NRXN3: variants seen among roughly 807,000 people sequenced by gnomAD.
NRXN3 encodes the protein neurexin 3.
NRXN3 carries 32 observed loss-of-function variants against 137.6 expected under a neutral mutation model. The observed-to-expected ratio is 0.23, with a 90% confidence interval of 0.18 to 0.31. NRXN3 has a LOEUF of 0.31. NRXN3 is among the 10% of genes least tolerant of loss of function. The probability of loss-of-function intolerance (pLI) is 1.00; values close to 1 mark genes in which losing one functional copy is unlikely to be tolerated. For missense variants in NRXN3, 1,574 were observed against 2,062.5 expected, an observed-to-expected ratio of 0.76 and a Z score of 4.59; for synonymous variants, 798 against 784.5, an observed-to-expected ratio of 1.02 and a Z score of -0.29.
At chr14:78,590,958 G>T (rs1036877878) in intron 4 of NRXN3, among the ~76,000 whole-genome samples, 1 of 152,136 alleles carries the variant, frequency 6.6e-6, no homozygotes, top group Non-Finnish European at 1.5e-5. Context: ...ATTAACAACA[G>T]GAGATGGAAC....
intron 15 of NRXN3, among the ~76,000 whole-genome samples, chr14:79,343,679 A>G (rs573992044): frequency 6.6e-6 from 1 of 152,320 alleles, no homozygotes; most frequent in African/African-American, 2.4e-5. Context: ...GTTGGAGAGA[A>G]ATAATTTTTG....
intron 4 of NRXN3, among the ~76,000 whole-genome samples, chr14:78,341,448 A>T (rs1017877673): frequency 2.6e-5 from 4 of 152,190 alleles, no homozygotes; most frequent in African/African-American, 9.6e-5. Flanking sequence ...TGTGGGCTGT[A>T]GAGCCTCCTT....
chr14:78,733,107 T>G (rs192149772), intron 8 of NRXN3, among the ~76,000 whole-genome samples: 342 of 152,284 alleles, frequency 2.2e-3, no homozygotes, highest in Non-Finnish European at 3.7e-3. Flanking sequence ...TTGTTTATTT[T>G]GTGTCTGAAC....
At chr14:78,938,339 C>T (rs1360250775) in intron 10 of NRXN3, among the ~76,000 whole-genome samples, 1 of 152,218 alleles carries the variant, frequency 6.6e-6, no homozygotes, top group South Asian at 2.1e-4. Context: ...TGCTGGCTCA[C>T]TACTTATTGT....
chr14:79,298,237 G>C (rs1166665278), intron 15 of NRXN3, among the ~76,000 whole-genome samples: 1 of 152,072 alleles, frequency 6.6e-6, no homozygotes, highest in African/African-American at 2.4e-5. Flanking sequence ...ATAATGACAT[G>C]ACCAGCCAGA....
At chr14:79,826,297 A>AT (rs893673184) in intron 20 of NRXN3, among the ~76,000 whole-genome samples, 18 of 150,748 alleles carry the variant, frequency 1.2e-4, no homozygotes, top group Non-Finnish European at 1.5e-4. Context: ...CCAACCTGAG[A>AT]TTTTTTTTTT....
chr14:79,207,798 C>A (rs2067010825), intron 15 of NRXN3, among the ~76,000 whole-genome samples: 1 of 152,076 alleles, frequency 6.6e-6, no homozygotes, highest in Non-Finnish European at 1.5e-5. Context: ...ATCCCTATGG[C>A]TCCTTGATGA....
intron 10 of NRXN3, among the ~76,000 whole-genome samples, chr14:78,827,789 G>T (rs1170894574): frequency 1.3e-5 from 2 of 152,248 alleles, no homozygotes; most frequent in African/African-American, 4.8e-5. Context: ...TCAAAACAGT[G>T]TCCGAGGAAA....
intron 19 of NRXN3, among the ~76,000 whole-genome samples, chr14:79,713,105 A>G (rs570065700): frequency 1.3e-4 from 20 of 151,456 alleles, no homozygotes; most frequent in South Asian, 6.3e-4. Context: ...TGGGCATCCA[A>G]TGTTGCAGCT....
At chr14:79,269,516 CCTT>C (rs2078981411) in intron 15 of NRXN3, among the ~76,000 whole-genome samples, 1 of 152,292 alleles carries the variant, frequency 6.6e-6, no homozygotes, top group African/African-American at 2.4e-5. Context: ...TAGCTAACAT[CCTT>C]CTTTTTCTTA....
intron 1 of NRXN3, among the ~76,000 whole-genome samples, 185 bp from the exon 2 acceptor site, chr14:78,242,206 G>A (rs17107193): frequency 0.16 from 24,187 of 152,052 alleles, 4,122 homozygotes; most frequent in African/African-American, 0.42. Flanking sequence ...GGACCTGGTC[G>A]TCTTGTAGTG....
At chr14:79,575,521 GA>G (rs761281857) in intron 16 of NRXN3, among the ~76,000 whole-genome samples, 11 of 152,118 alleles carry the variant, frequency 7.2e-5, no homozygotes. Flanking sequence ...AAAAATAACT[GA>G]AGAAAGGCTC....
In NRXN3 at chr14:78,242,233, C is replaced by G. The variant is rs536149215; in HGVS notation, c.-703-158C>G. Among the ~76,000 whole-genome samples the G allele has an allele frequency of 2.0e-5, 3 of 152,192 alleles. No individual in the cohort carries two copies. In the South Asian group the frequency reaches 6.2e-4, roughly 32 times the overall value. The stretch of plus-strand genomic sequence containing the variant: ...CTTGTAGTGGCTCTGGAAGAACCCA[C>G]GGCCTCCCTCCTGTTTGAAGCACTA... On this transcript the variant is annotated intron_variant, in intron 1 of 20. Coordinates refer to ENST00000335750, the MANE Select transcript of NRXN3 (RefSeq NM_001330195.2).
intron 16 of NRXN3, among the ~76,000 whole-genome samples, chr14:79,525,259 G>T (rs1335496381): frequency 1.3e-5 from 2 of 152,028 alleles, no homozygotes; most frequent in Non-Finnish European, 1.5e-5. Flanking sequence ...CACCTCGAGG[G>T]TTTCCAGGTA....
chr14:79,792,095 G>A (rs1260562362), intron 19 of NRXN3, among the ~76,000 whole-genome samples: 1 of 152,130 alleles, frequency 6.6e-6, no homozygotes. Flanking sequence ...ACTGTGCTAA[G>A]CACTTTCTTG....
chr14:79,835,217 C>T (rs530782099), intron 20 of NRXN3, among the ~76,000 whole-genome samples: 14 of 152,120 alleles, frequency 9.2e-5, no homozygotes, highest in African/African-American at 1.7e-4. Context: ...GAGGTAATGC[C>T]GGTATAATTT....
At chr14:78,721,709 G>C (rs1347893695) in intron 8 of NRXN3, among the ~76,000 whole-genome samples, 1 of 152,082 alleles carries the variant, frequency 6.6e-6, no homozygotes, top group African/African-American at 2.4e-5. Context: ...TCGAACCTTA[G>C]ATTTCTAAAG....
At chr14:79,788,007 G>A (rs1415453584) in intron 19 of NRXN3, among the ~76,000 whole-genome samples, 6 of 152,088 alleles carry the variant, frequency 3.9e-5, no homozygotes, top group Non-Finnish European at 7.4e-5. Flanking sequence ...AGACATACCT[G>A]AGACTGGCTA....
intron 6 of NRXN3, among the ~76,000 whole-genome samples, chr14:78,700,463 G>A (rs1006386905): frequency 4.6e-5 from 7 of 152,136 alleles, no homozygotes; most frequent in African/African-American, 1.2e-4. Context: ...GCACATATTT[G>A]CCAACATGGC....
Sources: allele counts gnomAD v4.1 joint callset (sites outside exome capture counted in the v4.1 genomes callset), GRCh38; gene constraint gnomAD v4.1.1; transcripts MANE v1.5; gene names NCBI Gene and HGNC (gene_info 2026-07-23, HGNC 2026-07-21).